Variants in OR1J2 observed in about 807,000 individuals in gnomAD.
OR1J2 encodes olfactory receptor 1J2.
For missense variants in OR1J2, 304 were observed against 246.1 expected (o/e 1.24, Z -1.57); for synonymous variants, 142 against 99.7 (o/e 1.42, Z -2.52).
At chr9:122,569,086 A>G in the OR1J2 span, among the ~76,000 whole-genome samples, 1 of 152,152 alleles carries the variant, frequency 6.6e-6, no homozygotes, top group East Asian at 1.9e-4. Flanking sequence ...CAAAACAGCC[A>G]ACAGGGCAAA....
At chr9:122,573,811 C>A in the OR1J2 span, among the ~76,000 whole-genome samples, 1 of 152,094 alleles carries the variant, frequency 6.6e-6, no homozygotes, top group East Asian at 1.9e-4. Flanking sequence ...TCTAAAAAGT[C>A]ATCTCTAAAC....
the OR1J2 span, among the ~76,000 whole-genome samples, chr9:122,552,506 G>A: frequency 2.0e-5 from 3 of 152,294 alleles, no homozygotes; most frequent in East Asian, 5.8e-4. Flanking sequence ...AGTGATGGAA[G>A]GGAGAGAGTG....
At chr9:122,500,753 T>C in the OR1J2 span, among the ~76,000 whole-genome samples, 1 of 152,156 alleles carries the variant, frequency 6.6e-6, no homozygotes, top group Non-Finnish European at 1.5e-5. Context: ...CCACCATCTG[T>C]AACAAAATAG....
the OR1J2 span, chr9:122,568,102 C>T: frequency 6.2e-7 from 1 of 1,613,930 alleles, no homozygotes; most frequent in Non-Finnish European, 8.5e-7. Context: ...TCACAGACGG[C>T]CACATAGCGG....
At chr9:122,519,054 A>G in the OR1J2 span, 3 of 904,936 alleles carry the variant, frequency 3.3e-6, no homozygotes, top group Admixed American at 2.2e-5. Flanking sequence ...CAAGGATCTT[A>G]TTCTTATCTG....
At chr9:122,535,959 G>A in the OR1J2 span, among the ~76,000 whole-genome samples, 3 of 152,162 alleles carry the variant, frequency 2.0e-5, no homozygotes, top group Admixed American at 6.5e-5. Context: ...CTCAGTAGGG[G>A]AGCTTTTGAG....
At chr9:122,571,547 C>CA in the OR1J2 span, among the ~76,000 whole-genome samples, 1,255 of 126,838 alleles carry the variant, frequency 9.9e-3, 21 homozygotes, top group African/African-American at 0.029. Flanking sequence ...CAGACTGTCT[C>CA]AAAAAAAAAA....
At chr9:122,458,072 G>A in the OR1J2 span, among the ~76,000 whole-genome samples, 1 of 151,758 alleles carries the variant, frequency 6.6e-6, no homozygotes, top group Non-Finnish European at 1.5e-5. Context: ...TTTCCCCTTT[G>A]TCTGATGAAA....
the OR1J2 span, among the ~76,000 whole-genome samples, chr9:122,483,408 T>A: frequency 6.6e-6 from 1 of 152,184 alleles, no homozygotes; most frequent in African/African-American, 2.4e-5. Context: ...AATTCTATCC[T>A]GCAATAAAAA....
At chr9:122,477,411 G>A in the OR1J2 span, 5 of 1,613,974 alleles carry the variant, frequency 3.1e-6, no homozygotes, top group Non-Finnish European at 4.2e-6. Context: ...GAGGGATGAT[G>A]TGGTCAGCAC....
chr9:122,468,992 C>T, the OR1J2 span, among the ~76,000 whole-genome samples: 1 of 152,112 alleles, frequency 6.6e-6, no homozygotes, highest in Admixed American at 6.6e-5. Context: ...CTGAGTTGTC[C>T]TGGTTTACAG....
At chr9:122,490,620 G>T in the OR1J2 span, among the ~76,000 whole-genome samples, 2 of 152,098 alleles carry the variant, frequency 1.3e-5, no homozygotes, top group African/African-American at 4.8e-5. Context: ...GAAAGGGAGA[G>T]AAACAGAGGA....
At chr9:122,472,613 G>T in the OR1J2 span, among the ~76,000 whole-genome samples, 5 of 152,230 alleles carry the variant, frequency 3.3e-5, no homozygotes, top group Non-Finnish European at 5.9e-5. Context: ...CATAAAAGGT[G>T]AAATGCTTCA....
At chr9:122,519,777 T>C in the OR1J2 span, 6 of 1,614,218 alleles carry the variant, frequency 3.7e-6, no homozygotes, top group South Asian at 1.1e-5. Context: ...ACCACTAATA[T>C]GCATCTTGAT....
At chr9:122,522,609 C>G in the OR1J2 span, among the ~76,000 whole-genome samples, 145 of 135,246 alleles carry the variant, frequency 1.1e-3, no homozygotes, top group African/African-American at 4.0e-3. Context: ...GTGTGTGTAA[C>G]TCACATATAC....
At chr9:122,514,556 A>G (rs1444285514), downstream of OR1J2, among the ~76,000 whole-genome samples, 1 of 152,154 alleles carries the variant, frequency 6.6e-6, no homozygotes, top group East Asian at 1.9e-4. Context: ...TGTCTTTGCT[A>G]TTGTGAAGAG....
At chr9:122,484,152 A>G in the OR1J2 span, among the ~76,000 whole-genome samples, 7 of 151,780 alleles carry the variant, frequency 4.6e-5, no homozygotes, top group Admixed American at 1.3e-4. Flanking sequence ...AATTTTTACT[A>G]TTTTTGGGGG....
At chr9:122,548,490 C>T in the OR1J2 span, among the ~76,000 whole-genome samples, 1 of 152,122 alleles carries the variant, frequency 6.6e-6, no homozygotes. Context: ...GCCTTCAACT[C>T]AAAATAGTCA....
At chr9:122,476,683 T>G in the OR1J2 span, among the ~76,000 whole-genome samples, 364 of 151,532 alleles carry the variant, frequency 2.4e-3, 1 homozygote, top group African/African-American at 6.7e-3. Flanking sequence ...AGAATAATGG[T>G]TTTTTTTTAC....
Sources: allele counts gnomAD v4.1 joint callset (sites outside exome capture counted in the v4.1 genomes callset), GRCh38; gene constraint gnomAD v4.1.1; transcripts MANE v1.5; gene names NCBI Gene and HGNC (gene_info 2026-07-23, HGNC 2026-07-21).